The following MCTP1 variants were observed in gnomAD, a reference collection of about 807,000 sequenced individuals.
The protein encoded by MCTP1 is multiple C2 and transmembrane domain-containing protein 1.
In MCTP1, 69 loss-of-function variants were observed where a neutral mutation model predicts 120.6. The observed-to-expected ratio is 0.57, with a 90% CI of 0.47 to 0.70. MCTP1 has a LOEUF of 0.70. Ranked by LOEUF, MCTP1 falls within the 30% of genes least tolerant of loss-of-function variation. The probability of loss-of-function intolerance (pLI) is 0.00; values close to 1 mark genes in which losing one functional copy is unlikely to be tolerated. For synonymous variants in MCTP1, 529 were observed against 493.1 expected, an observed-to-expected ratio of 1.07 and a Z score of -0.96; for missense variants, 1,203 against 1,248.8, an observed-to-expected ratio of 0.96 and a Z score of 0.55.
chr5:94,830,563 G>A (rs1788274079), intron 17 of MCTP1, among the ~76,000 whole-genome samples: 1 of 152,160 alleles, frequency 6.6e-6, no homozygotes, highest in African/African-American at 2.4e-5. Flanking sequence ...CCTAATGTCT[G>A]TCATACTGAT....
intron 1 of MCTP1, among the ~76,000 whole-genome samples, chr5:95,177,179 A>G (rs1368839736): frequency 6.6e-6 from 1 of 151,806 alleles, no homozygotes; most frequent in Non-Finnish European, 1.5e-5. Context: ...TTATATTTAC[A>G]TGTACCCACA....
intron 12 of MCTP1, among the ~76,000 whole-genome samples, chr5:94,881,609 G>A (rs1039177665): frequency 3.3e-5 from 5 of 152,134 alleles, no homozygotes; most frequent in African/African-American, 1.2e-4. Flanking sequence ...GCTGGTGTGT[G>A]TGTGTGTGTT....
intron 19 of MCTP1, among the ~76,000 whole-genome samples, chr5:94,721,850 T>TG (rs1016678477): frequency 1.3e-5 from 2 of 150,812 alleles, no homozygotes; most frequent in Non-Finnish European, 3.0e-5. Flanking sequence ...TTTTGTTTTT[T>TG]TTTTTTTAAT....
chr5:94,842,599 T>G (rs1329107732), intron 17 of MCTP1, among the ~76,000 whole-genome samples: 1 of 152,208 alleles, frequency 6.6e-6, no homozygotes, highest in Non-Finnish European at 1.5e-5. Context: ...AATTCCTTCC[T>G]CTTATCTTTG....
At chr5:95,204,401 T>C (rs1364530344) in intron 1 of MCTP1, among the ~76,000 whole-genome samples, 2 of 152,092 alleles carry the variant, frequency 1.3e-5, no homozygotes, top group African/African-American at 2.4e-5. Flanking sequence ...AAAAAACTCA[T>C]AGCTACCCAG....
chr5:94,807,149 G>C (rs1372249096), intron 17 of MCTP1, among the ~76,000 whole-genome samples: 3 of 152,160 alleles, frequency 2.0e-5, no homozygotes, highest in Non-Finnish European at 4.4e-5. Context: ...TATATGCTTA[G>C]AAGAGTTAAT....
chr5:94,958,326 A>G (rs1288314091), intron 2 of MCTP1, among the ~76,000 whole-genome samples: 1 of 152,220 alleles, frequency 6.6e-6, no homozygotes, highest in Non-Finnish European at 1.5e-5. Context: ...GGAAAAATCT[A>G]AAATTGACGC....
intron 2 of MCTP1, among the ~76,000 whole-genome samples, chr5:95,012,294 T>C (rs1413850400): frequency 6.6e-6 from 1 of 152,184 alleles, no homozygotes; most frequent in Non-Finnish European, 1.5e-5. Context: ...ACTGTCATTG[T>C]CTATAATATA....
At chr5:94,905,720 T>C (rs1169417172) in intron 10 of MCTP1, among the ~76,000 whole-genome samples, 1 of 152,204 alleles carries the variant, frequency 6.6e-6, no homozygotes, top group Admixed American at 6.6e-5. Flanking sequence ...GCTTTGCACA[T>C]TCTAAATTGG....
chr5:94,704,335 A>G lies in MCTP1; in HGVS notation c.*3161T>C, dbSNP rs1754070738. 1 of 151,590 alleles carries G rather than the reference A, an allele frequency of 6.6e-6. No individual in the cohort carries two copies. Among genetic ancestry groups the G allele is most frequent in the Non-Finnish European group, 1.5e-5 (1 of 67,662 alleles). 9.4% of individuals were successfully genotyped at this position (151,590 alleles called of 1,614,324 possible). ...TGTCTTTACTTGTATTTCTGGAGCA[A>G]AAAGGTATAACTGCCTTATACCTTT... On this transcript the variant is annotated 3_prime_UTR_variant, in exon 23 of 23. Transcript: ENST00000515393.
intron 1 of MCTP1, among the ~76,000 whole-genome samples, chr5:95,244,472 G>C (rs1248517693): frequency 1.3e-5 from 2 of 152,218 alleles, no homozygotes; most frequent in African/African-American, 4.8e-5. Context: ...GTACACTACT[G>C]ACCAAATACT....
intron 2 of MCTP1, among the ~76,000 whole-genome samples, chr5:94,972,351 A>T (rs1035903483): frequency 3.3e-5 from 5 of 152,048 alleles, no homozygotes; most frequent in African/African-American, 9.7e-5. Context: ...TTGAACCCTT[A>T]ACAGCCATTT....
At chr5:95,231,570 A>T (rs1275625604) in intron 1 of MCTP1, among the ~76,000 whole-genome samples, 1 of 152,212 alleles carries the variant, frequency 6.6e-6, no homozygotes, top group Non-Finnish European at 1.5e-5. Context: ...ATTTACTGCC[A>T]TGAGTGATTC....
At chr5:94,983,877 G>A (rs1459530666) in intron 2 of MCTP1, among the ~76,000 whole-genome samples, 1 of 152,152 alleles carries the variant, frequency 6.6e-6, no homozygotes, top group African/African-American at 2.4e-5. Flanking sequence ...TAAAACATGA[G>A]AGCTCTATGA....
At chr5:95,048,387 T>A (rs1254702102) in intron 1 of MCTP1, among the ~76,000 whole-genome samples, 1 of 152,180 alleles carries the variant, frequency 6.6e-6, no homozygotes, top group East Asian at 1.9e-4. Context: ...GTCACTGGGA[T>A]TAATTTCATA....
chr5:94,760,712 G>GTATCAC (rs1328879506), intron 19 of MCTP1, among the ~76,000 whole-genome samples: 1 of 149,470 alleles, frequency 6.7e-6, no homozygotes, highest in Non-Finnish European at 1.5e-5. Context: ...TTTTGAGACA[G>GTATCAC]TATCACTCTG....
intron 1 of MCTP1, among the ~76,000 whole-genome samples, chr5:95,059,329 A>C (rs1196684839): frequency 7.9e-5 from 12 of 152,178 alleles, no homozygotes; most frequent in Non-Finnish European, 1.6e-4. Context: ...CAAGTATTGC[A>C]TGTTGTCACT....
At chr5:94,765,466 G>A (rs1386849355) in intron 19 of MCTP1, among the ~76,000 whole-genome samples, 3 of 152,096 alleles carry the variant, frequency 2.0e-5, no homozygotes, top group African/African-American at 4.8e-5. Flanking sequence ...TTGGGAGGGC[G>A]AGGTGGGTGG....
intron 19 of MCTP1, among the ~76,000 whole-genome samples, chr5:94,776,619 A>G (rs1294654028): frequency 1.3e-5 from 2 of 152,148 alleles, no homozygotes; most frequent in Middle Eastern, 3.2e-3. Context: ...CTTTTATCCT[A>G]TAAGAGGACC....
Sources: gnomAD v4.1 joint callset for allele counts (sites outside exome capture counted in the v4.1 genomes callset) on GRCh38, gnomAD v4.1.1 for gene constraint, MANE v1.5 for transcripts, NCBI Gene and HGNC (gene_info 2026-07-23, HGNC 2026-07-21) for gene names.